The following STOM variants were observed in gnomAD, a reference collection of about 807,000 sequenced individuals.
STOM encodes stomatin, also known as erythrocyte band 7 integral membrane protein.
STOM carries 25 observed loss-of-function variants against 30.6 expected under a neutral mutation model. The observed-to-expected ratio is 0.82, with a 90% CI of 0.60 to 1.14. STOM has a LOEUF of 1.14. Ranked by LOEUF, STOM falls within the 50% of genes most tolerant of loss-of-function variation. STOM has a pLI of 0.00. For missense variants in STOM, 292 were observed against 365.2 expected, an observed-to-expected ratio of 0.80 and a Z score of 1.63; for synonymous variants, 118 against 130.8, an observed-to-expected ratio of 0.90 and a Z score of 0.67.
rs936343056 is a variant in STOM at position 121,346,783 on chromosome 9, G to A, written c.660+1232C>T. ...TTGGTTAATGCAAAATTCTGAAGTCGCATGTCAAATGAGCTACTATCCTAT... is the reference window on the plus strand; with the variant it reads ...TTGGTTAATGCAAAATTCTGAAGTCACATGTCAAATGAGCTACTATCCTAT... On this transcript the variant is annotated intron_variant, in intron 6 of 6. Transcript: ENST00000286713. Among the ~76,000 whole-genome samples, 14 of 152,158 alleles carry A rather than the reference G, an allele frequency of 9.2e-5. No individual in the cohort carries two copies. The East Asian group carries it at 9.6e-4, about 10-fold the overall frequency.
chr9:121,359,618 A>AT (rs2064430835), intron 1 of STOM, among the ~76,000 whole-genome samples: 5 of 152,140 alleles, frequency 3.3e-5, no homozygotes, highest in Admixed American at 3.3e-4. Flanking sequence ...CATGTATCTC[A>AT]TTTAACTCTT....
chr9:121,356,112 C>A lies in STOM; in HGVS notation c.106G>T (p.Ala36Ser), dbSNP rs753860952. ...ATAACGGTGAATAAGAATGAGAACGCCACCAAAATCCATCCGCAAGGTCCA... is the reference window on the plus strand; with the variant it reads ...ATAACGGTGAATAAGAATGAGAACGACACCAAAATCCATCCGCAAGGTCCA... ...GLGPCGWILV[A>S]FSFLFTVITF... The change falls in exon 2 of 7, where the codon GCG becomes TCG. Residue 36 changes from alanine (A) to serine (S), a missense_variant. Coordinates refer to ENST00000286713, the MANE Select transcript of STOM (RefSeq NM_004099.6). 1.2e-6 allele frequency: 2 copies of A among 1,614,098 alleles called. No individual in the cohort carries two copies. Among genetic ancestry groups the A allele is most frequent in the Non-Finnish European group, 1.7e-6 (2 of 1,180,002 alleles).
chr9:121,350,489 C>T (rs577517890), intron 4 of STOM, among the ~76,000 whole-genome samples: 1 of 152,256 alleles, frequency 6.6e-6, no homozygotes, highest in African/African-American at 2.4e-5. Flanking sequence ...TGAAACATAG[C>T]GGGTAGTCAA....
intron 1 of STOM, chr9:121,369,808 C>G: frequency 2.9e-6 from 1 of 340,944 alleles, no homozygotes; most frequent in Non-Finnish European, 5.4e-6. Context: ...CTGCCAGTTC[C>G]CTCTGCGTTT....
In STOM at chr9:121,349,269, C is replaced by T. The variant is rs141123051; in HGVS notation, c.376G>A (p.Val126Ile). ...ISVDGVVYYR[V>I]QNATLAVANI... is the part of the protein sequence containing the mutation. ...GCCACAGCCAGGGTTGCATTCTGAACGCGGTAATAGACCACACCATCCACG... is the reference window on the plus strand; with the variant it reads ...GCCACAGCCAGGGTTGCATTCTGAATGCGGTAATAGACCACACCATCCACG... The change falls in exon 5 of 7, where the codon GTT (valine) becomes ATT (isoleucine). Residue 126 changes from valine (V) to isoleucine (I), a missense_variant. Val to Ile is a conservative substitution (Grantham distance 29). Coordinates refer to ENST00000286713, the MANE Select transcript of STOM (RefSeq NM_004099.6). 126 of 1,614,034 alleles carry T rather than the reference C, an allele frequency of 7.8e-5. No homozygotes were observed. Among genetic ancestry groups the T allele is most frequent in the Non-Finnish European group, 9.6e-5 (113 of 1,180,024 alleles).
chr9:121,358,944 C>A (rs2064423752), intron 1 of STOM, among the ~76,000 whole-genome samples: 1 of 152,124 alleles, frequency 6.6e-6, no homozygotes, highest in South Asian at 2.1e-4. Context: ...TCACTATCAT[C>A]CTGGGAACTC....
chr9:121,369,030 T>C (rs1358223710), intron 1 of STOM, among the ~76,000 whole-genome samples: 3 of 152,006 alleles, frequency 2.0e-5, no homozygotes, highest in Admixed American at 1.3e-4. Flanking sequence ...CCTGTTACAC[T>C]CTCCATTTGG....
chr9:121,367,220 C>G (rs1427032754), intron 1 of STOM, among the ~76,000 whole-genome samples: 1 of 152,098 alleles, frequency 6.6e-6, no homozygotes, highest in Non-Finnish European at 1.5e-5. Context: ...TTTGTAGTTA[C>G]AATAGTTTTC....
intron 1 of STOM, among the ~76,000 whole-genome samples, chr9:121,368,887 C>T (rs921171703): frequency 6.8e-6 from 1 of 147,710 alleles, no homozygotes; most frequent in African/African-American, 2.5e-5. Context: ...TTGCAGTGAG[C>T]GGAGATCACA....
Position 121,355,992 on chromosome 9 carries a change from G to A in STOM, c.165+61C>T, listed in dbSNP as rs546382490. 248 of 1,288,034 alleles carry A rather than the reference G, an allele frequency of 1.9e-4. 1 individual carries two copies. The highest frequency in any genetic ancestry group is 4.0e-4 in the East Asian group (17 of 42,818). 79.8% of individuals were successfully genotyped at this position (1,288,034 alleles called of 1,614,324 possible). On this transcript the variant is annotated intron_variant, in intron 2 of 6. Coordinates refer to ENST00000286713, the MANE Select transcript of STOM (RefSeq NM_004099.6). ...TTCTCACATACACACAGGCACACAC[G>A]AAGTAGGTTTATGGAGGTAGGAGTT...
At chr9:121,360,560 A>C (rs10985220) in intron 1 of STOM, among the ~76,000 whole-genome samples, 13,849 of 152,222 alleles carry the variant, frequency 0.091, 925 homozygotes, top group African/African-American at 0.18. Flanking sequence ...TGTAGATGAT[A>C]GTTTTCTGTA....
rs764348484 is a variant in STOM at position 121,353,305 on chromosome 9, G to A, written c.239-3C>T. On this transcript the variant is annotated splice_region_variant and splice_polypyrimidine_tract_variant and intron_variant, in intron 3 of 6. Transcript: ENST00000286713. ...GCATGGCAGAATAAAAAACAAACCTGCAACAAAGATACACACATTATACAG... is the reference window on the plus strand; with the variant it reads ...GCATGGCAGAATAAAAAACAAACCTACAACAAAGATACACACATTATACAG... 10 of 1,598,832 alleles carry A rather than the reference G, an allele frequency of 6.3e-6. No homozygotes were observed. Among genetic ancestry groups the A allele is most frequent in the Non-Finnish European group, 6.0e-6 (7 of 1,171,250 alleles).
chr9:121,368,511 A>G (rs144004574), intron 1 of STOM, among the ~76,000 whole-genome samples: 13 of 152,372 alleles, frequency 8.5e-5, no homozygotes, highest in Non-Finnish European at 1.3e-4. Flanking sequence ...AGTCAAATCT[A>G]GATTTAAATA....
chr9:121,364,299 C>T (rs1229298588), intron 1 of STOM, among the ~76,000 whole-genome samples: 1 of 152,158 alleles, frequency 6.6e-6, no homozygotes, highest in African/African-American at 2.4e-5. Context: ...TATAGCCTGC[C>T]TTTCAAATTA....
intron 1 of STOM, 189 bp downstream of exon 1, chr9:121,369,938 T>G: frequency 3.7e-6 from 2 of 541,018 alleles, no homozygotes; most frequent in Non-Finnish European, 6.6e-6. Flanking sequence ...CCGCCACCCC[T>G]CCATCGTGAC....
At chr9:121,351,143 A>C (rs556549419) in intron 4 of STOM, among the ~76,000 whole-genome samples, 5 of 152,308 alleles carry the variant, frequency 3.3e-5, no homozygotes, top group African/African-American at 1.2e-4. Context: ...CAGCTTGCAG[A>C]ATAGGAGAGG....
At chr9:121,357,815 CCTT>C (rs1383117742) in intron 1 of STOM, among the ~76,000 whole-genome samples, 1 of 152,122 alleles carries the variant, frequency 6.6e-6, no homozygotes, top group Non-Finnish European at 1.5e-5. Flanking sequence ...TTCTCTTTCA[CCTT>C]CTTTTTTGGC....
chr9:121,340,626 T>G lies in STOM; in HGVS notation c.*576A>C. On this transcript the variant is annotated 3_prime_UTR_variant, in exon 7 of 7. Coordinates refer to ENST00000286713, the MANE Select transcript of STOM (RefSeq NM_004099.6). ...TTAGCTGGGCATGGTGGCATGAGCC[T>G]GTAATCCCAGCTACTGGGGAGGCTG... 4.9e-6 allele frequency: 3 copies of G among 607,186 alleles called. No individual in the cohort carries two copies. In the African/African-American group the frequency reaches 6.0e-5, roughly 12 times the overall value. 37.6% of individuals were successfully genotyped at this position (607,186 alleles called of 1,614,324 possible). A position where few individuals can be genotyped will look rare whatever the true frequency, so the allele number is the denominator to read the frequency against.
intron 1 of STOM, among the ~76,000 whole-genome samples, chr9:121,359,234 T>C (rs1448952272): frequency 2.8e-4 from 42 of 151,932 alleles, no homozygotes; most frequent in Non-Finnish European, 4.4e-5. Context: ...ATAAGCAGAG[T>C]GTTCAGGCTG....
Sources: allele counts gnomAD v4.1 joint callset (sites outside exome capture counted in the v4.1 genomes callset), GRCh38; gene constraint gnomAD v4.1.1; transcripts MANE v1.5; gene names NCBI Gene and HGNC (gene_info 2026-07-23, HGNC 2026-07-21).